Variants in ZCWPW2 observed in about 807,000 individuals in gnomAD.
ZCWPW2 encodes the protein zinc finger CW-type PWWP domain protein 2.
Under a neutral mutation model 46.6 loss-of-function variants are expected in ZCWPW2, and 45 were observed. That is an observed-to-expected ratio of 0.96 (90% CI 0.76 to 1.24). The LOEUF (loss-of-function observed/expected upper bound fraction) is 1.24, where lower values mean the gene tolerates loss of function less well. Among genes scored for constraint, ZCWPW2 ranks in the 50% most tolerant of loss-of-function variants. The probability of loss-of-function intolerance (pLI) is 0.00; values close to 1 mark genes in which losing one functional copy is unlikely to be tolerated. For synonymous variants in ZCWPW2, 152 were observed against 137.1 expected, an observed-to-expected ratio of 1.11 and a Z score of -0.76; for missense variants, 429 against 403.9, an observed-to-expected ratio of 1.06 and a Z score of -0.53.
intron 4 of ZCWPW2, among the ~76,000 whole-genome samples, chr3:28,452,833 T>C (rs1290639251): frequency 6.6e-6 from 1 of 152,064 alleles, no homozygotes; most frequent in Non-Finnish European, 1.5e-5. Context: ...CTGAGAACAA[T>C]AAGGTGGAGA....
At chr3:28,363,565 A>G (rs1705017306) in intron 1 of ZCWPW2, among the ~76,000 whole-genome samples, 3 of 152,070 alleles carry the variant, frequency 2.0e-5, no homozygotes, top group Admixed American at 2.0e-4. Flanking sequence ...AGAGATAGTA[A>G]ACGACTGGCC....
At chr3:28,417,495 A>C (rs1381414809) in intron 3 of ZCWPW2, among the ~76,000 whole-genome samples, 1 of 152,180 alleles carries the variant, frequency 6.6e-6, no homozygotes, top group Non-Finnish European at 1.5e-5. Context: ...AAAAGAGGGA[A>C]TCTTCCCTAA....
chr3:28,412,188 C>T (rs894662510), intron 2 of ZCWPW2, among the ~76,000 whole-genome samples: 7 of 151,428 alleles, frequency 4.6e-5, no homozygotes, highest in Non-Finnish European at 7.4e-5. Flanking sequence ...AATAAGTTGC[C>T]AATAATTAGT....
At chr3:28,383,594 GAAGAT>G (rs1286802518) in intron 1 of ZCWPW2, among the ~76,000 whole-genome samples, 1 of 151,708 alleles carries the variant, frequency 6.6e-6, no homozygotes, top group African/African-American at 2.4e-5. Context: ...AAAAAATCTA[GAAGAT>G]AAGAGGTGTG....
rs537208463 is a variant in ZCWPW2, at chr3:28,486,079, A to G, written c.611-6048A>G. ...CATTTTCTTCCCTCTTAGCATACCAATTATCAGTTATACTTTTTTAAAAAC... is the reference window on the plus strand; with the variant it reads ...CATTTTCTTCCCTCTTAGCATACCAGTTATCAGTTATACTTTTTTAAAAAC... On this transcript the variant is annotated intron_variant, in intron 5 of 9. Coordinates refer to ENST00000383768, the MANE Select transcript of ZCWPW2 (RefSeq NM_001040432.4). Among the ~76,000 whole-genome samples the G allele has an allele frequency of 5.3e-5, 8 of 152,200 alleles. 1 individual carries two copies. The highest frequency in any genetic ancestry group is 1.2e-4 in the African/African-American group (5 of 41,532).
intron 4 of ZCWPW2, among the ~76,000 whole-genome samples, chr3:28,445,158 G>T (rs2125773700): frequency 6.7e-6 from 1 of 148,158 alleles, no homozygotes; most frequent in Non-Finnish European, 1.5e-5. Flanking sequence ...GGATATATAG[G>T]TATATATCCT....
intron 1 of ZCWPW2, among the ~76,000 whole-genome samples, chr3:28,364,099 A>G (rs1705036099): frequency 6.6e-6 from 1 of 152,220 alleles, no homozygotes; most frequent in African/African-American, 2.4e-5. Context: ...ACACACCAGA[A>G]TGGCTAAAAT....
At chr3:28,489,913 A>G (rs1699749001) in intron 5 of ZCWPW2, among the ~76,000 whole-genome samples, 1 of 152,156 alleles carries the variant, frequency 6.6e-6, no homozygotes, top group South Asian at 2.1e-4. Flanking sequence ...AGCCTACAGA[A>G]TGGGAGAAAA....
chr3:28,434,390 A>C (rs1575129542), intron 3 of ZCWPW2, among the ~76,000 whole-genome samples: 1 of 152,232 alleles, frequency 6.6e-6, no homozygotes, highest in East Asian at 1.9e-4. Context: ...GAATGGGTAA[A>C]AGTGGGAAAT....
intron 2 of ZCWPW2, among the ~76,000 whole-genome samples, chr3:28,403,846 G>A (rs1235863435): frequency 6.6e-6 from 1 of 152,158 alleles, no homozygotes; most frequent in East Asian, 1.9e-4. Context: ...GCCACATGCA[G>A]GAGGATGAAA....
intron 6 of ZCWPW2, among the ~76,000 whole-genome samples, chr3:28,509,830 A>T (rs1254598294): frequency 7.9e-5 from 12 of 152,160 alleles, no homozygotes; most frequent in Admixed American, 7.9e-4. Context: ...AATGTTGATG[A>T]CATCCAATTT....
At chr3:28,357,863 C>G (rs182817225) in intron 1 of ZCWPW2, among the ~76,000 whole-genome samples, 48 of 149,148 alleles carry the variant, frequency 3.2e-4, no homozygotes, top group Middle Eastern at 3.5e-3. Context: ...TTCTGTTTCT[C>G]TACAGAACCC....
At chr3:28,515,428 C>A (rs1286762511) in intron 7 of ZCWPW2, 126 bp from the exon 8 acceptor site, 2 of 736,930 alleles carry the variant, frequency 2.7e-6, no homozygotes, top group Non-Finnish European at 2.2e-6. Flanking sequence ...ATAAAACAAC[C>A]AAGAGAATTA....
At chr3:28,379,774 C>T (rs569780261) in intron 1 of ZCWPW2, among the ~76,000 whole-genome samples, 1 of 151,848 alleles carries the variant, frequency 6.6e-6, no homozygotes, top group East Asian at 1.9e-4. Flanking sequence ...AAAATGAGAA[C>T]CTTTTCCATA....
chr3:28,493,510 T>A (rs1302457243), intron 6 of ZCWPW2, among the ~76,000 whole-genome samples: 2 of 120,268 alleles, frequency 1.7e-5, no homozygotes, highest in Non-Finnish European at 3.7e-5. Flanking sequence ...TAGTATTCCA[T>A]GGTGTATATG....
chr3:28,508,082 C>T (rs1268605644), intron 6 of ZCWPW2, among the ~76,000 whole-genome samples: 1 of 152,060 alleles, frequency 6.6e-6, no homozygotes, highest in Non-Finnish European at 1.5e-5. Flanking sequence ...GCCCAGGATG[C>T]TTCCACTCAT....
chr3:28,515,747 A>C, intron 8 of ZCWPW2, 126 bp downstream of exon 8: 1 of 594,924 alleles, frequency 1.7e-6, no homozygotes, highest in Non-Finnish European at 2.8e-6. Flanking sequence ...GTGTGTGTGT[A>C]TACACATATA....
chr3:28,422,542 C>T (rs935939166), intron 3 of ZCWPW2, among the ~76,000 whole-genome samples: 3 of 152,114 alleles, frequency 2.0e-5, no homozygotes, highest in Non-Finnish European at 4.4e-5. Flanking sequence ...CCTTTTATGG[C>T]TTGATTACTC....
chr3:28,394,245 T>A (rs1192650011), intron 2 of ZCWPW2, among the ~76,000 whole-genome samples: 1 of 152,048 alleles, frequency 6.6e-6, no homozygotes, highest in East Asian at 1.9e-4. Flanking sequence ...CACTGAAAAC[T>A]ATAAAACATT....
Sources: allele counts gnomAD v4.1 joint callset (sites outside exome capture counted in the v4.1 genomes callset), GRCh38; gene constraint gnomAD v4.1.1; transcripts MANE v1.5; gene names NCBI Gene and HGNC (gene_info 2026-07-23, HGNC 2026-07-21).